The following SOX5 variants were observed in gnomAD, a reference collection of about 807,000 sequenced individuals.
SOX5 encodes the protein SRY-box transcription factor 5, also known as transcription factor SOX-5.
A neutral mutation model predicts 92.0 loss-of-function variants in SOX5; 9 were observed. The ratio of observed to expected loss-of-function variants is 0.10; its 90% CI spans 0.06 to 0.17. SOX5 has a LOEUF of 0.17. Ranked by LOEUF, SOX5 falls within the 10% of genes least tolerant of loss-of-function variation. The pLI, the probability that SOX5 is intolerant of heterozygous loss-of-function variation, is 1.00. For synonymous variants in SOX5, 344 were observed against 336.3 expected (o/e 1.02, Z -0.25); for missense variants, 642 against 944.5 (o/e 0.68, Z 4.20).
At chr12:24,245,589 T>A (rs1458098128) in intron 3 of SOX5, among the ~76,000 whole-genome samples, 4 of 152,016 alleles carry the variant, frequency 2.6e-5, no homozygotes, top group Non-Finnish European at 5.9e-5. Context: ...AAAATCTGAT[T>A]TGGGGTCTTT....
intron 3 of SOX5, among the ~76,000 whole-genome samples, chr12:24,268,598 C>A (rs571068290): frequency 6.6e-6 from 1 of 152,166 alleles, no homozygotes; most frequent in African/African-American, 2.4e-5. Flanking sequence ...GATGTACATC[C>A]AAAGACTACT....
At chr12:24,248,759 A>C (rs1287065041) in intron 3 of SOX5, among the ~76,000 whole-genome samples, 1 of 151,836 alleles carries the variant, frequency 6.6e-6, no homozygotes, top group Non-Finnish European at 1.5e-5. Flanking sequence ...CTTGGACTGT[A>C]GTTTCTTTGT....
rs144341038 is a variant in SOX5 at position 24,214,135 on chromosome 12, G to A, written c.-76-718C>T. ...AATACATAAGCACTTAGCAAAGCAC[G>A]GTGCTACATTGTACTAGGACACTAA... On this transcript the variant is annotated intron_variant, in intron 3 of 4. Coordinates refer to the SOX5 transcript ENST00000446891. Among the ~76,000 whole-genome samples the A allele has an allele frequency of 2.3e-3, 350 of 151,844 alleles. 2 individuals are homozygous for A. The highest frequency in any genetic ancestry group is 8.0e-3 in the African/African-American group (330 of 41,412).
At chr12:23,698,600 C>A (rs1285888103) in intron 6 of SOX5, among the ~76,000 whole-genome samples, 2 of 152,136 alleles carry the variant, frequency 1.3e-5, no homozygotes, top group Non-Finnish European at 2.9e-5. Flanking sequence ...GTTTCAACAT[C>A]TTTGTCTACT....
chr12:23,585,897 C>A (rs73089384), intron 9 of SOX5, among the ~76,000 whole-genome samples: 23 of 152,048 alleles, frequency 1.5e-4, no homozygotes, highest in Admixed American at 1.2e-3. Flanking sequence ...CCAGGTAAAC[C>A]CCATTTGCAT....
At chr12:23,999,050 A>T (rs1951326043) in intron 4 of SOX5, among the ~76,000 whole-genome samples, 2 of 151,950 alleles carry the variant, frequency 1.3e-5, no homozygotes, top group South Asian at 4.2e-4. Context: ...AACCACATTA[A>T]GTTTAACAGC....
chr12:23,950,198 A>G (rs567005808), upstream of SOX5, among the ~76,000 whole-genome samples: 3 of 152,192 alleles, frequency 2.0e-5, no homozygotes, highest in East Asian at 5.8e-4. Context: ...GCATTTTTAC[A>G]CAAAGAATTG....
chr12:23,961,971 T>C (rs1049062968), intron 4 of SOX5, among the ~76,000 whole-genome samples: 5 of 152,102 alleles, frequency 3.3e-5, no homozygotes, highest in Non-Finnish European at 7.4e-5. Context: ...TTGACAACAG[T>C]GATGTTATTA....
rs552484115 is a variant in SOX5, at chr12:23,819,046, A to T, written c.481+26937T>A. Among the ~76,000 whole-genome samples the T allele has an allele frequency of 1.2e-4, 18 of 152,310 alleles. No homozygotes were observed. The South Asian group carries it at 3.7e-3, about 32-fold the overall frequency. On this transcript the variant is annotated intron_variant, in intron 3 of 14. Coordinates refer to ENST00000451604, the MANE Select transcript of SOX5 (RefSeq NM_006940.6). The stretch of plus-strand genomic sequence containing the variant: ...TTAATAAGTAGGAGTATACTCTAAA[A>T]TAACTATAAAAATGATGGCATAGTA...
intron 9 of SOX5, chr12:23,604,021 A>C (rs2137514895): frequency 6.0e-6 from 1 of 167,402 alleles, no homozygotes; most frequent in Non-Finnish European, 1.3e-5. Context: ...CTTCCAATGT[A>C]CTTTATCTGT....
At chr12:23,791,099 A>G (rs939281257) in intron 3 of SOX5, among the ~76,000 whole-genome samples, 3 of 152,166 alleles carry the variant, frequency 2.0e-5, no homozygotes, top group Admixed American at 2.0e-4. Flanking sequence ...AGTAATGAAG[A>G]CTTGTTAATT....
intron 4 of SOX5, among the ~76,000 whole-genome samples, chr12:24,027,261 T>C (rs1316629007): frequency 6.6e-6 from 1 of 151,956 alleles, no homozygotes; most frequent in African/African-American, 2.4e-5. Context: ...ATTACTCCAA[T>C]GACTTCTGGC....
chr12:23,911,493 CTTG>C (rs1167219581), intron 1 of SOX5, among the ~76,000 whole-genome samples: 1 of 152,028 alleles, frequency 6.6e-6, no homozygotes, highest in Non-Finnish European at 1.5e-5. Flanking sequence ...TCTGCTCAAA[CTTG>C]TTGTTCGGTT....
At chr12:23,973,000 C>T (rs1948514783) in intron 4 of SOX5, among the ~76,000 whole-genome samples, 1 of 152,100 alleles carries the variant, frequency 6.6e-6, no homozygotes, top group South Asian at 2.1e-4. Flanking sequence ...CCTCAAGTAG[C>T]GACCTTCCTA....
At chr12:24,236,145 C>T (rs1226269134) in intron 3 of SOX5, among the ~76,000 whole-genome samples, 1 of 151,924 alleles carries the variant, frequency 6.6e-6, no homozygotes, top group African/African-American at 2.4e-5. Flanking sequence ...TTGCAGTGAG[C>T]CTAGATCACA....
At chr12:23,763,920 A>G (rs1016722353) in intron 3 of SOX5, among the ~76,000 whole-genome samples, 1 of 152,116 alleles carries the variant, frequency 6.6e-6, no homozygotes, top group Non-Finnish European at 1.5e-5. Context: ...TAAAAATGGG[A>G]GAGTGCAGCA....
At chr12:23,952,527 C>T (rs1180636713), upstream of SOX5, among the ~76,000 whole-genome samples, 1 of 152,172 alleles carries the variant, frequency 6.6e-6, no homozygotes, top group Admixed American at 6.5e-5. Context: ...CAAATAAACA[C>T]AAAGAATATA....
intron 3 of SOX5, among the ~76,000 whole-genome samples, chr12:23,803,155 A>T (rs1490141956): frequency 6.6e-6 from 1 of 152,212 alleles, no homozygotes; most frequent in African/African-American, 2.4e-5. Context: ...TGTCATTAGT[A>T]TGTGAATGGT....
intron 5 of SOX5, among the ~76,000 whole-genome samples, chr12:23,735,942 G>C (rs577378557): frequency 9.9e-5 from 15 of 152,218 alleles, no homozygotes; most frequent in African/African-American, 3.6e-4. Context: ...TGAGGGTGGA[G>C]GCCATGTATA....
Sources: gnomAD v4.1 joint callset for allele counts (sites outside exome capture counted in the v4.1 genomes callset) on GRCh38, gnomAD v4.1.1 for gene constraint, MANE v1.5 for transcripts, NCBI Gene and HGNC (gene_info 2026-07-23, HGNC 2026-07-21) for gene names.